PARP14: variants seen among roughly 807,000 people sequenced by gnomAD.
PARP14 encodes the protein poly(ADP-ribose) polymerase family member 14.
A neutral mutation model predicts 154.2 loss-of-function variants in PARP14; 59 were observed. That is an observed-to-expected ratio of 0.38 (90% CI 0.31 to 0.48). The LOEUF is 0.48. Among genes scored for constraint, PARP14 ranks in the 20% least tolerant of loss-of-function variants. PARP14 has a pLI of 0.98. For missense variants in PARP14, 1,734 were observed against 2,131.6 expected, an observed-to-expected ratio of 0.81 and a Z score of 3.67; for synonymous variants, 720 against 780.5, an observed-to-expected ratio of 0.92 and a Z score of 1.29.
chr3:122,701,463 T>C lies in PARP14; in HGVS notation c.2909T>C (p.Phe970Ser), dbSNP rs1432401258. ...GTATCTGAGAAGACTGTTGAGGCCT[T>C]TGCAGAAGCTGTGAAAACTGTATTT... ...VDVSEKTVEA[F>S]AEAVKTVFKA... Residue 970 changes from phenylalanine (F) to serine (S), a missense_variant, in exon 6 of 17, where the codon TTT becomes TCT. Phe to Ser is a radical substitution (Grantham distance 155). Coordinates refer to ENST00000474629, the MANE Select transcript of PARP14 (RefSeq NM_017554.3). The surrounding 1 kb of genome is among the most constrained non-coding windows in gnomAD (Gnocchi z 4.0). 6.2e-7 allele frequency: 1 copy of C among 1,613,948 alleles called. No homozygotes were observed. The highest frequency in any genetic ancestry group is 8.5e-7 in the Non-Finnish European group (1 of 1,179,862).
At chr3:122,721,244 A>G (rs776698257) in intron 15 of PARP14, 2 of 227,432 alleles carry the variant, frequency 8.8e-6, no homozygotes, top group South Asian at 5.1e-5. Flanking sequence ...AACATTACCA[A>G]CCTGGGTCTT....
chr3:122,718,457 G>A lies in PARP14; in HGVS notation c.4306G>A (p.Val1436Ile), dbSNP rs767236645. Residue 1436 changes from valine (V) to isoleucine (I), a missense_variant, in exon 14 of 17, where the codon GTC becomes ATC. By Grantham distance (29) the Val-to-Ile change is conservative (BLOSUM62 3). This residue lies in a region of PARP14 where 1,646 missense variants were observed against 1,976.0 expected (regional missense o/e 0.83). Coordinates refer to ENST00000474629, the MANE Select transcript of PARP14 (RefSeq NM_017554.3). The stretch of plus-strand genomic sequence containing the variant: ...AACTTTTCGGGTGTGTGGTGAAAAT[G>A]TCACGTGTGTGGAATATGCTATCTC... ...SATFRVCGEN[V>I]TCVEYAISWL... 6.2e-7 allele frequency: 1 copy of A among 1,613,852 alleles called. No individual in the cohort carries two copies. Among genetic ancestry groups the A allele is most frequent in the African/African-American group, 1.3e-5 (1 of 74,938 alleles).
At chr3:122,710,042 G>T (rs1463899953) in intron 9 of PARP14, among the ~76,000 whole-genome samples, 1 of 152,000 alleles carries the variant, frequency 6.6e-6, no homozygotes, top group Non-Finnish European at 1.5e-5. Flanking sequence ...TTACTTTGCT[G>T]TGCAGAAGCT....
rs770220310 is a variant in PARP14, at chr3:122,704,548, GA to G, written c.3342del (p.Glu1114AspfsTer11). 3.1e-6 allele frequency: 5 copies of G among 1,602,022 alleles called. No individual in the cohort carries two copies. Among genetic ancestry groups the G allele is most frequent in the Non-Finnish European group, 4.3e-6 (5 of 1,172,092 alleles). ...TCAGATAATGGAAGACATAATCAGAGAATGTATGGAGATCACTGAGAGCTTG... is the reference window on the plus strand; with the variant it reads ...TCAGATAATGGAAGACATAATCAGAGATGTATGGAGATCACTGAGAGCTTG... ...SLKIMEDIIR[E>X]CMEITESLSL... On this transcript the variant is annotated frameshift_variant, in exon 8 of 17. Transcript: ENST00000474629. LOFTEE classifies it high-confidence loss of function.
intron 4 of PARP14, among the ~76,000 whole-genome samples, chr3:122,694,658 T>C (rs1938710335): frequency 6.6e-6 from 1 of 152,160 alleles, no homozygotes; most frequent in Non-Finnish European, 1.5e-5. Flanking sequence ...TAGCTGGGAC[T>C]ACAGGCGCGC....
At chr3:122,724,770 T>C (rs535749860) in intron 15 of PARP14, among the ~76,000 whole-genome samples, 85 of 152,198 alleles carry the variant, frequency 5.6e-4, no homozygotes, top group African/African-American at 1.9e-3. Flanking sequence ...TAAAGGACTC[T>C]GGTTTTCCTA....
At chr3:122,708,904 GTC>G (rs985077753) in intron 9 of PARP14, among the ~76,000 whole-genome samples, 62 of 152,054 alleles carry the variant, frequency 4.1e-4, no homozygotes, top group African/African-American at 1.3e-3. Flanking sequence ...AGTTCACTGA[GTC>G]TTTTCTCTGT....
At chr3:122,715,595 C>CT (rs773976481) in intron 12 of PARP14, among the ~76,000 whole-genome samples, 28 of 142,468 alleles carry the variant, frequency 2.0e-4, no homozygotes, top group African/African-American at 7.1e-4. Flanking sequence ...CTCTACCAGT[C>CT]ATCTATCTAT....
At chr3:122,684,793 T>C (rs1423053604) in intron 1 of PARP14, among the ~76,000 whole-genome samples, 1 of 152,174 alleles carries the variant, frequency 6.6e-6, no homozygotes, top group Non-Finnish European at 1.5e-5. Flanking sequence ...TTTAATTTAA[T>C]TCACTTCAAT....
Position 122,699,742 on chromosome 3 carries a change from T to G in PARP14, c.1188T>G (p.Ser396=), listed in dbSNP as rs1394102039. 6.2e-7 allele frequency: 1 copy of G among 1,613,816 alleles called. No individual in the cohort carries two copies. Among genetic ancestry groups the G allele is most frequent in the Non-Finnish European group, 8.5e-7 (1 of 1,179,864 alleles). Residue 396 remains serine (S), a synonymous_variant, in exon 6 of 17, where the codon TCT becomes TCG. Coordinates refer to ENST00000474629, the MANE Select transcript of PARP14 (RefSeq NM_017554.3). The part of the protein sequence containing the change: ...DTSTTLSSIR[S]KYKVNPIKVD... ...CCACAACACTCTCTAGCATCAGGTC[T>G]AAATATAAAGTCAACCCAATTAAAG...
chr3:122,709,021 A>G (rs1218338724), intron 9 of PARP14, among the ~76,000 whole-genome samples: 1 of 152,124 alleles, frequency 6.6e-6, no homozygotes, highest in African/African-American at 2.4e-5. Flanking sequence ...AATTCTTTAA[A>G]GTTTGAACTT....
Position 122,701,105 on chromosome 3 carries a change from C to T in PARP14, c.2551C>T (p.Gln851Ter). ...AGPELQADCD[Q>*]IVKREGRLLP... ...CCCTGAGCTCCAGGCCGACTGTGAC[C>T]AGATAGTGAAGAGAGAGGGCAGACT... The change falls in exon 6 of 17, where the codon CAG becomes TAG. Residue 851 changes from glutamine (Q) to a stop codon, truncating the protein, a stop_gained. Coordinates refer to ENST00000474629, the MANE Select transcript of PARP14 (RefSeq NM_017554.3). LOFTEE classifies it high-confidence loss of function. The surrounding 1 kb of genome is among the most constrained non-coding windows in gnomAD (Gnocchi z 4.0). 1 of 1,613,994 alleles carries T rather than the reference C, an allele frequency of 6.2e-7. No homozygotes were observed. Among genetic ancestry groups the T allele is most frequent in the Non-Finnish European group, 8.5e-7 (1 of 1,179,894 alleles).
chr3:122,707,380 C>CAAATAAAT (rs60420136), intron 8 of PARP14, among the ~76,000 whole-genome samples: 42,284 of 139,406 alleles, frequency 0.3, 6,872 homozygotes, highest in East Asian at 0.51. Flanking sequence ...GACTCCATCT[C>CAAATAAAT]AAATAAATAA....
Position 122,680,861 on chromosome 3 carries a change from T to A in PARP14, c.-23T>A. 1 of 1,574,340 alleles carries A rather than the reference T, an allele frequency of 6.4e-7. No individual in the cohort carries two copies. Among genetic ancestry groups the A allele is most frequent in the Non-Finnish European group, 8.6e-7 (1 of 1,158,992 alleles). On this transcript the variant is annotated 5_prime_UTR_variant, in exon 1 of 17. Transcript: ENST00000474629. ...CCCGGAGTTGGCGCGGCCCCTGCAG[T>A]CCGGCGGAGAGCGGAGCTGAGGATG...
In PARP14 at chr3:122,704,724, C is replaced by A. The variant is rs968035422; in HGVS notation, c.3516C>A (p.His1172Gln). 1.3e-6 allele frequency: 2 copies of A among 1,598,484 alleles called. No individual in the cohort carries two copies. Among genetic ancestry groups the A allele is most frequent in the Non-Finnish European group, 1.7e-6 (2 of 1,170,806 alleles). ...TACAAGAGGTTCACTTTCTGCTGCA[C>A]CCGAGTGATCATGAAAATATTCAGG... ...KTLQEVHFLL[H>Q]PSDHENIQAF... Residue 1172 changes from histidine (H) to glutamine (Q), a missense_variant, in exon 8 of 17, where the codon CAC becomes CAA. Physicochemically the swap from His to Gln is conservative, Grantham distance 24 (BLOSUM62 0). This residue lies in a region of PARP14 where 1,646 missense variants were observed against 1,976.0 expected (regional missense o/e 0.83). Transcript: ENST00000474629.
At position 122,730,065 on chromosome 3, in the gene PARP14, A is replaced by G. The variant is rs1933387737; in HGVS notation, c.*1468A>G. The G allele has an allele frequency of 1.3e-5, 2 of 152,172 alleles. No individual in the cohort carries two copies. The highest frequency in any genetic ancestry group is 1.9e-4 in the East Asian group (1 of 5,204). The allele number at this position is 152,172 out of a possible 1,614,324, so 9.4% of individuals were successfully genotyped here. A position where few individuals can be genotyped will look rare whatever the true frequency, so the allele number is the denominator to read the frequency against. On this transcript the variant is annotated 3_prime_UTR_variant, in exon 17 of 17. Coordinates refer to ENST00000474629, the MANE Select transcript of PARP14 (RefSeq NM_017554.3). Reference sequence around the variant, plus strand: ...TAGTAAAATAGGTGCTTTCATACACATTGTCTCAATTCCTGTGAGGTCAGA... The same window carrying G: ...TAGTAAAATAGGTGCTTTCATACACGTTGTCTCAATTCCTGTGAGGTCAGA...
At position 122,699,535 on chromosome 3, in the gene PARP14, T is replaced by C. The variant is rs772909582; in HGVS notation, c.981T>C (p.Asp327=). ...CAGCACCATTTGAAGAGTCACTAGA[T>C]CTTCCCTTATGGAAGTTCTTACAGA... ...KLPAPFEESL[D]LPLWKFLQKK... The change falls in exon 6 of 17, where the codon GAT becomes GAC. Residue 327 remains aspartate, a synonymous_variant. Coordinates refer to ENST00000474629, the MANE Select transcript of PARP14 (RefSeq NM_017554.3). 1 of 1,613,880 alleles carries C rather than the reference T, an allele frequency of 6.2e-7. No homozygotes were observed. Among genetic ancestry groups the C allele is most frequent in the Non-Finnish European group, 8.5e-7 (1 of 1,179,762 alleles).
chr3:122,730,736 G>A lies in PARP14; in HGVS notation c.*2139G>A, dbSNP rs184617612. On this transcript the variant is annotated 3_prime_UTR_variant, in exon 17 of 17. Transcript: ENST00000474629. The stretch of plus-strand genomic sequence containing the variant: ...GCAAGGCTGAATATCAGAGTGTATC[G>A]CACTGAAGAATAATAATCCATTCAG... 159 of 152,678 alleles carry A rather than the reference G, an allele frequency of 1.0e-3. No individual in the cohort carries two copies. The highest frequency in any genetic ancestry group is 3.7e-3 in the African/African-American group (152 of 41,550). The allele number at this position is 152,678 out of a possible 1,614,324, so 9.5% of individuals were successfully genotyped here.
chr3:122,727,452 A>G (rs1033711104), intron 15 of PARP14, among the ~76,000 whole-genome samples: 1 of 152,224 alleles, frequency 6.6e-6, no homozygotes, highest in Non-Finnish European at 1.5e-5. Context: ...AGGTGGTGAG[A>G]GGCAAAGTGC....
Sources: allele counts gnomAD v4.1 joint callset (sites outside exome capture counted in the v4.1 genomes callset), GRCh38; gene constraint gnomAD v4.1.1; regional missense constraint gnomAD v4.1.1; non-coding constraint Gnocchi (gnomAD v3.1); transcripts MANE v1.5; gene names NCBI Gene and HGNC (gene_info 2026-07-23, HGNC 2026-07-21).